Variants in DLC1 observed in about 807,000 individuals in gnomAD.
DLC1 encodes rho GTPase-activating protein 7.
In DLC1, 54 loss-of-function variants were observed where a neutral mutation model predicts 140.3. The observed-to-expected ratio is 0.38, with a 90% CI of 0.31 to 0.48. The LOEUF is 0.48. DLC1 is among the 20% of genes least tolerant of loss of function. DLC1 has a pLI of 0.96. For missense variants in DLC1, 2,536 were observed against 1,907.0 expected (o/e 1.33, Z -6.14); for synonymous variants, 986 against 728.1 (o/e 1.35, Z -5.70).
chr8:13,290,869 G>C (rs938216586), intron 5 of DLC1, among the ~76,000 whole-genome samples: 1 of 152,184 alleles, frequency 6.6e-6, no homozygotes, highest in South Asian at 2.1e-4. Flanking sequence ...AATGAGATGC[G>C]TAGCTTGGTA....
intron 1 of DLC1, among the ~76,000 whole-genome samples, chr8:13,586,944 A>T (rs1198924001): frequency 6.6e-6 from 1 of 152,172 alleles, no homozygotes; most frequent in Non-Finnish European, 1.5e-5. Context: ...CAGGTGCCTC[A>T]ATATAATAAT....
chr8:13,576,845 G>A (rs1258313872), intron 1 of DLC1, among the ~76,000 whole-genome samples: 1 of 152,204 alleles, frequency 6.6e-6, no homozygotes, highest in Non-Finnish European at 1.5e-5. Context: ...CCTACGAGTA[G>A]CTTGGTAAAG....
chr8:13,182,789 G>A (rs191192560), intron 5 of DLC1, among the ~76,000 whole-genome samples: 1,673 of 152,268 alleles, frequency 0.011, 11 homozygotes, highest in South Asian at 0.032. Flanking sequence ...GCTTAGGATT[G>A]TCTTGGCAAT....
intron 1 of DLC1, among the ~76,000 whole-genome samples, chr8:13,585,339 G>A (rs886460392): frequency 6.6e-6 from 1 of 152,000 alleles, no homozygotes; most frequent in Non-Finnish European, 1.5e-5. Flanking sequence ...TGAGGCCAAA[G>A]GATTGCTTGA....
At chr8:13,165,276 T>A (rs1159609123) in intron 5 of DLC1, among the ~76,000 whole-genome samples, 3 of 152,164 alleles carry the variant, frequency 2.0e-5, no homozygotes, top group African/African-American at 7.2e-5. Flanking sequence ...TTAATGAGAT[T>A]CTAAGTGTTC....
At chr8:13,404,909 A>G (rs1311770615) in intron 2 of DLC1, among the ~76,000 whole-genome samples, 1 of 152,044 alleles carries the variant, frequency 6.6e-6, no homozygotes, top group Non-Finnish European at 1.5e-5. Context: ...GGGAGTCCTG[A>G]GGCAAGAGAG....
chr8:13,321,615 A>G (rs529930633), intron 4 of DLC1, among the ~76,000 whole-genome samples: 3 of 151,526 alleles, frequency 2.0e-5, no homozygotes, highest in African/African-American at 7.3e-5. Context: ...AATGTCCCCA[A>G]TGTAATGAAG....
intron 2 of DLC1, among the ~76,000 whole-genome samples, chr8:13,483,119 C>T (rs535804141): frequency 1.3e-5 from 2 of 152,172 alleles, no homozygotes; most frequent in Non-Finnish European, 2.9e-5. Context: ...CGCTCCTCTA[C>T]TTATGGCTGC....
At chr8:13,149,530 C>T (rs1274674990) in intron 5 of DLC1, among the ~76,000 whole-genome samples, 1 of 152,128 alleles carries the variant, frequency 6.6e-6, no homozygotes, top group African/African-American at 2.4e-5. Flanking sequence ...TGTGTCTATT[C>T]CTCATCTCAG....
Position 13,092,755 on chromosome 8 carries a change from C to A in DLC1, c.3597G>T (p.Glu1199Asp), listed in dbSNP as rs1225089118. 1.2e-6 allele frequency: 2 copies of A among 1,614,140 alleles called. No individual in the cohort carries two copies. Among genetic ancestry groups the A allele is most frequent in the Admixed American group, 1.7e-5 (1 of 60,018 alleles). Residue 1199 changes from glutamate (E) to aspartate (D), a missense_variant, in exon 13 of 18, where the codon GAG becomes GAT. By Grantham distance (45) the Glu-to-Asp change is conservative. Transcript: ENST00000276297. The stretch of plus-strand genomic sequence containing the variant: ...GGAAATAAAGCAGGGTCTGCAGAAC[C>A]TCCCGGTTCTCGTCAGGCAGCAGCA... ...AIMLLPDENREVLQTLLYFLS... is the reference protein window; with the variant it reads ...AIMLLPDENRDVLQTLLYFLS...
chr8:13,174,338 G>GT (rs1418785337), intron 5 of DLC1, among the ~76,000 whole-genome samples: 18 of 152,222 alleles, frequency 1.2e-4, no homozygotes, highest in South Asian at 6.2e-4. Flanking sequence ...AAGTGCATGT[G>GT]TTTTTTTGAT....
At chr8:13,508,622 G>C (rs543177313) in intron 1 of DLC1, among the ~76,000 whole-genome samples, 2 of 151,994 alleles carry the variant, frequency 1.3e-5, no homozygotes, top group Non-Finnish European at 2.9e-5. Context: ...GTTTCACTGT[G>C]TTAGCCAGGA....
chr8:13,217,134 C>G (rs986887129), intron 5 of DLC1, among the ~76,000 whole-genome samples: 1 of 152,058 alleles, frequency 6.6e-6, no homozygotes, highest in African/African-American at 2.4e-5. Flanking sequence ...AACCTAAGTT[C>G]TAAAATTTAA....
chr8:13,429,166 G>A (rs747563881), intron 2 of DLC1, among the ~76,000 whole-genome samples: 26 of 152,178 alleles, frequency 1.7e-4, no homozygotes, highest in Admixed American at 3.3e-4. Flanking sequence ...ACCTGTATCA[G>A]AAACACTGTG....
chr8:13,186,697 C>G (rs1266726164), intron 5 of DLC1, among the ~76,000 whole-genome samples: 2 of 152,190 alleles, frequency 1.3e-5, no homozygotes, highest in Non-Finnish European at 2.9e-5. Context: ...CCGTTGCTGG[C>G]AAGGAGCTGC....
intron 5 of DLC1, among the ~76,000 whole-genome samples, chr8:13,290,264 T>C (rs907608626): frequency 1.3e-5 from 2 of 152,186 alleles, no homozygotes; most frequent in African/African-American, 4.8e-5. Flanking sequence ...AAATTTCCAC[T>C]GATATTAACC....
At position 13,084,355 on chromosome 8, in the gene DLC1, C is replaced by T. The variant is rs1817383154; in HGVS notation, c.*1456G>A. ...TTTGAAATAACACTGAAAATGGTAA[C>T]TAAATTATAACAAAATAAAAATCCT... On this transcript the variant is annotated 3_prime_UTR_variant, in exon 18 of 18. Coordinates refer to ENST00000276297, the MANE Select transcript of DLC1 (RefSeq NM_182643.3). The T allele has an allele frequency of 6.6e-6, 1 of 152,534 alleles. No individual in the cohort carries two copies. The highest frequency in any genetic ancestry group is 2.4e-5 in the African/African-American group (1 of 41,424). 9.4% of individuals were successfully genotyped at this position (152,534 alleles called of 1,614,324 possible).
chr8:13,461,222 A>C (rs563669273), intron 2 of DLC1, among the ~76,000 whole-genome samples: 1 of 152,252 alleles, frequency 6.6e-6, no homozygotes, highest in South Asian at 2.1e-4. Context: ...CAGCAATGAC[A>C]GCAAAATATG....
At chr8:13,532,918 C>G (rs1196070151) in intron 1 of DLC1, among the ~76,000 whole-genome samples, 2 of 151,714 alleles carry the variant, frequency 1.3e-5, no homozygotes, top group East Asian at 3.9e-4. Context: ...AGTTAAAAGG[C>G]AAAAAAGTGA....
Sources: gnomAD v4.1 joint callset for allele counts (sites outside exome capture counted in the v4.1 genomes callset) on GRCh38, gnomAD v4.1.1 for gene constraint, MANE v1.5 for transcripts, NCBI Gene and HGNC (gene_info 2026-07-23, HGNC 2026-07-21) for gene names.